FXR2: variants seen among roughly 807,000 people sequenced by gnomAD.
FXR2 encodes FMR1 autosomal homolog 2.
Under a neutral mutation model 87.3 loss-of-function variants are expected in FXR2, and 9 were observed. The observed-to-expected ratio is 0.10, with a 90% CI of 0.06 to 0.18. The LOEUF is 0.18. Among genes scored for constraint, FXR2 ranks in the 10% least tolerant of loss-of-function variants. FXR2 has a pLI of 1.00. For missense variants in FXR2, 661 were observed against 893.6 expected (o/e 0.74, Z 3.32); for synonymous variants, 331 against 328.3 (o/e 1.01, Z -0.09).
At chr17:7,611,386 G>A (rs912800534) in intron 1 of FXR2, among the ~76,000 whole-genome samples, 2 of 152,262 alleles carry the variant, frequency 1.3e-5, no homozygotes, top group African/African-American at 2.4e-5. Context: ...GAAAACTGAC[G>A]GGAGGGCGTG....
At chr17:7,603,497 A>T (rs1268004626) in intron 5 of FXR2, among the ~76,000 whole-genome samples, 1 of 150,016 alleles carries the variant, frequency 6.7e-6, no homozygotes, top group Non-Finnish European at 1.5e-5. Context: ...ACTGCACTCC[A>T]GCCTGGGCAA....
In FXR2 at chr17:7,601,724, C is replaced by G. The variant is rs145587689; in HGVS notation, c.544-199G>C. ...CAGGCGGATCACGAGGTCATGAGATCGAGACCATCCTGGCCAACGTGGTGA... is the reference window on the plus strand; with the variant it reads ...CAGGCGGATCACGAGGTCATGAGATGGAGACCATCCTGGCCAACGTGGTGA... On this transcript the variant is annotated intron_variant, in intron 6 of 16. Coordinates refer to ENST00000250113, the MANE Select transcript of FXR2 (RefSeq NM_004860.4). 6.9e-3 allele frequency among the ~76,000 whole-genome samples: 1,051 copies of G among 152,064 alleles called. 7 individuals are homozygous for G. The highest frequency in any genetic ancestry group is 0.011 in the Non-Finnish European group (752 of 67,986).
chr17:7,610,451 C>T lies in FXR2; in HGVS notation c.81+4001G>A, dbSNP rs941183196. On this transcript the variant is annotated intron_variant, in intron 1 of 16. Coordinates refer to ENST00000250113, the MANE Select transcript of FXR2 (RefSeq NM_004860.4). Reference sequence around the variant, plus strand: ...CCCCAGGGTGAGCAGCAATATTACCCTAGTTTTCCCAGCTACCATGACTTC... The same window carrying T: ...CCCCAGGGTGAGCAGCAATATTACCTTAGTTTTCCCAGCTACCATGACTTC... Among the ~76,000 whole-genome samples, 5 of 152,112 alleles carry T rather than the reference C, an allele frequency of 3.3e-5. No individual in the cohort carries two copies. The South Asian group carries it at 8.3e-4, about 25-fold the overall frequency.
intron 1 of FXR2, chr17:7,614,234 G>C (rs2150950837): frequency 2.9e-6 from 2 of 687,786 alleles, no homozygotes; most frequent in South Asian, 1.5e-5. Flanking sequence ...CCCGGAGATG[G>C]GGGTAGAAGC....
rs755222928 is a variant in FXR2 at position 7,594,053 on chromosome 17, G to A, written c.1021-49C>T. ...ATGGATCAGAAAGGAAAATGAAATG[G>A]AAGGATTAACGCCGCCCAGTCTCCT... On this transcript the variant is annotated intron_variant, in intron 10 of 16. Coordinates refer to ENST00000250113, the MANE Select transcript of FXR2 (RefSeq NM_004860.4). This position sits in a 1 kb window ranked among gnomAD's most constrained non-coding sequence, Gnocchi z 5.1. 1 of 1,279,626 alleles carries A rather than the reference G, an allele frequency of 7.8e-7. No homozygotes were observed. Among genetic ancestry groups the A allele is most frequent in the Non-Finnish European group, 1.1e-6 (1 of 874,728 alleles). 79.3% of individuals were successfully genotyped at this position (1,279,626 alleles called of 1,614,324 possible).
At chr17:7,608,451 T>A (rs1414434178) in intron 1 of FXR2, among the ~76,000 whole-genome samples, 11 of 148,538 alleles carry the variant, frequency 7.4e-5, no homozygotes, top group Admixed American at 4.0e-4. Flanking sequence ...AAAATAATAA[T>A]AATAATAATA....
intron 1 of FXR2, among the ~76,000 whole-genome samples, chr17:7,608,442 A>AAAAT (rs1035478007): frequency 1.4e-5 from 2 of 143,082 alleles, no homozygotes; most frequent in Admixed American, 7.1e-5. Context: ...AAAAAAAAAA[A>AAAAT]AATAATAATA....
At chr17:7,596,812 T>C (rs765968231) in intron 7 of FXR2, among the ~76,000 whole-genome samples, 2 of 151,958 alleles carry the variant, frequency 1.3e-5, no homozygotes, top group Non-Finnish European at 2.9e-5. Flanking sequence ...AAGTAAAAAG[T>C]GAGGGGTAGG....
Position 7,592,705 on chromosome 17 carries a change from T to C in FXR2, c.1718A>G (p.Glu573Gly), listed in dbSNP as rs2071674222. The C allele has an allele frequency of 6.2e-7, 1 of 1,613,486 alleles. No homozygotes were observed. Among genetic ancestry groups the C allele is most frequent in the Non-Finnish European group, 8.5e-7 (1 of 1,179,732 alleles). ...AGGCACACCCTCACCCAGGCCATTC[T>C]CTGTCATGTTGGGCCCATCTGATTC... The part of the protein sequence containing the change: ...GLESDGPNMT[E>G]NGLEDESRPQ... The change falls in exon 14 of 17, where the codon GAG becomes GGG. Residue 573 changes from glutamate to glycine, a missense_variant. This residue lies in a region of FXR2 where 409 missense variants were observed against 432.0 expected (regional missense o/e 0.95). Transcript: ENST00000250113. This position sits in a 1 kb window ranked among gnomAD's most constrained non-coding sequence, Gnocchi z 4.8.
Position 7,596,506 on chromosome 17 carries a change from G to C in FXR2, c.661-512C>G, listed in dbSNP as rs895714590. On this transcript the variant is annotated intron_variant, in intron 7 of 16. Coordinates refer to ENST00000250113, the MANE Select transcript of FXR2 (RefSeq NM_004860.4). Reference sequence around the variant, plus strand: ...CTCCTTCCAAATACCAGTGGTTTGTGGGGGAGGAAAGGTAAAGAGGGCAGA... The same window carrying C: ...CTCCTTCCAAATACCAGTGGTTTGTCGGGGAGGAAAGGTAAAGAGGGCAGA... The C allele has an allele frequency of 3.9e-5, 6 of 153,544 alleles. 1 individual carries two copies. Among genetic ancestry groups the C allele is most frequent in the South Asian group, 4.1e-4 (2 of 4,936 alleles). 9.5% of individuals were successfully genotyped at this position (153,544 alleles called of 1,614,324 possible).
chr17:7,601,994 G>A (rs757190972), intron 6 of FXR2, among the ~76,000 whole-genome samples: 1 of 152,166 alleles, frequency 6.6e-6, no homozygotes, highest in African/African-American at 2.4e-5. Context: ...TGACTATCAG[G>A]GTACTGAAGG....
intron 1 of FXR2, among the ~76,000 whole-genome samples, chr17:7,612,344 A>G (rs1567754818): frequency 6.6e-6 from 1 of 152,194 alleles, no homozygotes. Context: ...AACAAAGGTA[A>G]TGCAAGTTTG....
At position 7,592,877 on chromosome 17, in the gene FXR2, T is replaced by G; in HGVS notation, c.1546A>C (p.Ser516Arg). The change falls in exon 14 of 17, where the codon AGT (serine) becomes CGT (arginine). Residue 516 changes from serine to arginine, a missense_variant. Coordinates refer to ENST00000250113, the MANE Select transcript of FXR2 (RefSeq NM_004860.4). The surrounding 1 kb of genome is among the most constrained non-coding windows in gnomAD (Gnocchi z 4.8). Reference sequence around the variant, plus strand: ...GTGTCCAATAGGCTGTAGGGATTACTGTCTGGATCCTTCAGCACTGGTCAG... The same window carrying G: ...GTGTCCAATAGGCTGTAGGGATTACGGTCTGGATCCTTCAGCACTGGTCAG... ...SISSVLKDPDSNPYSLLDTSE... is the reference protein window; with the variant it reads ...SISSVLKDPDRNPYSLLDTSE... 6.3e-7 allele frequency: 1 copy of G among 1,586,270 alleles called. No individual in the cohort carries two copies.
chr17:7,611,454 A>T (rs2071863863), intron 1 of FXR2, among the ~76,000 whole-genome samples: 1 of 152,152 alleles, frequency 6.6e-6, no homozygotes, highest in African/African-American at 2.4e-5. Context: ...AATCTCTTGA[A>T]GTCAGGAGTC....
At chr17:7,606,043 T>A in intron 2 of FXR2, 54 bp downstream of exon 2, 2 of 1,190,198 alleles carry the variant, frequency 1.7e-6, no homozygotes, top group South Asian at 2.6e-5. Context: ...CCCCCTCTTC[T>A]CCACTCTCCT....
At chr17:7,601,355 AG>A (rs1168248312) in intron 7 of FXR2, 53 bp downstream of exon 7, 99 of 935,694 alleles carry the variant, frequency 1.1e-4, no homozygotes, top group Non-Finnish European at 1.6e-4. Flanking sequence ...AGGACAGGGT[AG>A]GAAGGGAGGA....
intron 6 of FXR2, among the ~76,000 whole-genome samples, chr17:7,602,288 G>A (rs573305935): frequency 3.3e-5 from 5 of 152,160 alleles, no homozygotes; most frequent in East Asian, 1.9e-4. Context: ...CGGGCATGTC[G>A]GGCGCGGTGG....
intron 3 of FXR2, 146 bp downstream of exon 3, chr17:7,605,499 A>G (rs1366464085): frequency 5.2e-6 from 3 of 573,924 alleles, no homozygotes; most frequent in Non-Finnish European, 9.5e-6. Flanking sequence ...ACAGTGATAA[A>G]AGGGGAACTG....
intron 1 of FXR2, among the ~76,000 whole-genome samples, chr17:7,613,206 G>T (rs1283321486): frequency 2.6e-5 from 4 of 151,754 alleles, no homozygotes; most frequent in Admixed American, 2.0e-4. Flanking sequence ...TGAAGGAAAG[G>T]GGGAAGGGGG....
Sources: allele counts gnomAD v4.1 joint callset (sites outside exome capture counted in the v4.1 genomes callset), GRCh38; gene constraint gnomAD v4.1.1; regional missense constraint gnomAD v4.1.1; non-coding constraint Gnocchi (gnomAD v3.1); transcripts MANE v1.5; gene names NCBI Gene and HGNC (gene_info 2026-07-23, HGNC 2026-07-21).